OPRK1: variants seen among roughly 807,000 people sequenced by gnomAD.
OPRK1 encodes kappa-type opioid receptor.
In OPRK1, 15 loss-of-function variants were observed where a neutral mutation model predicts 24.5. The observed-to-expected ratio is 0.61, with a 90% CI of 0.41 to 0.94. The LOEUF (loss-of-function observed/expected upper bound fraction) is 0.94, where lower values mean the gene tolerates loss of function less well. Ranked by LOEUF, OPRK1 falls within the 40% of genes least tolerant of loss-of-function variation. The pLI, the probability that OPRK1 is intolerant of heterozygous loss-of-function variation, is 0.00. For missense variants in OPRK1, 479 were observed against 507.3 expected (o/e 0.94, Z 0.54); for synonymous variants, 205 against 198.0 (o/e 1.04, Z -0.30).
intron 2 of OPRK1, among the ~76,000 whole-genome samples, chr8:53,248,340 ACT>A (rs138440237): frequency 0.094 from 14,350 of 152,180 alleles, 746 homozygotes; most frequent in South Asian, 0.18. Flanking sequence ...ACCTGCCCAC[ACT>A]CTGAGCATCT....
chr8:53,247,119 A>C (rs779663250), intron 2 of OPRK1, among the ~76,000 whole-genome samples: 4 of 152,256 alleles, frequency 2.6e-5, no homozygotes, highest in Non-Finnish European at 5.9e-5. Flanking sequence ...AGAAGGCAGG[A>C]CACTTGGGTG....
chr8:53,238,755 G>A (rs1807052271), intron 2 of OPRK1: 2 of 977,460 alleles, frequency 2.0e-6, no homozygotes, highest in Non-Finnish European at 2.4e-6. Context: ...TCACCAGGCA[G>A]GGTTTCTGGG....
In OPRK1 at chr8:53,227,686, C is replaced by T. The variant is rs1314683039; in HGVS notation, c.*1611G>A. 6.6e-6 allele frequency: 1 copy of T among 151,964 alleles called. No individual in the cohort carries two copies. The highest frequency in any genetic ancestry group is 6.6e-5 in the Admixed American group (1 of 15,242). The allele number at this position is 151,964 out of a possible 1,614,324, so 9.4% of individuals were successfully genotyped here. On this transcript the variant is annotated 3_prime_UTR_variant, in exon 4 of 4. Coordinates refer to ENST00000265572, the MANE Select transcript of OPRK1 (RefSeq NM_000912.5). Reference sequence around the variant, plus strand: ...CATGATAATCTGGAGTAGAGGCAAACATGGTCAGAGTAACATTCTGAAGCC... The same window carrying T: ...CATGATAATCTGGAGTAGAGGCAAATATGGTCAGAGTAACATTCTGAAGCC...
intron 2 of OPRK1, among the ~76,000 whole-genome samples, chr8:53,248,642 C>T (rs1807294011): frequency 6.6e-6 from 1 of 152,164 alleles, no homozygotes. Flanking sequence ...ATCCTTGAAC[C>T]ATCTATCATT....
chr8:53,232,012 G>A (rs771129461), intron 3 of OPRK1, among the ~76,000 whole-genome samples: 1 of 152,206 alleles, frequency 6.6e-6, no homozygotes, highest in Non-Finnish European at 1.5e-5. Context: ...TCCCACTACA[G>A]AGTTGGAAAT....
chr8:53,245,924 G>C (rs540563653), intron 2 of OPRK1, among the ~76,000 whole-genome samples: 13 of 152,166 alleles, frequency 8.5e-5, no homozygotes, highest in Non-Finnish European at 1.6e-4. Context: ...ATTCTGCCTG[G>C]AGAGCAGCAG....
intron 2 of OPRK1, chr8:53,242,881 A>G: frequency 7.8e-7 from 1 of 1,287,532 alleles, no homozygotes; most frequent in Non-Finnish European, 1.0e-6. Context: ...AATTCATCAC[A>G]TGGTTTTGTC....
chr8:53,250,524 C>G, intron 2 of OPRK1, among the ~76,000 whole-genome samples: 1 of 152,146 alleles, frequency 6.6e-6, no homozygotes, highest in African/African-American at 2.4e-5. Context: ...AGGGTGGGGT[C>G]GGGGGGTTAC....
chr8:53,250,406 T>G (rs1217960975), intron 2 of OPRK1, among the ~76,000 whole-genome samples: 2 of 152,170 alleles, frequency 1.3e-5, no homozygotes, highest in Non-Finnish European at 2.9e-5. Flanking sequence ...TGCTCCAAAC[T>G]GGCGCAGGCA....
chr8:53,242,838 C>A, intron 2 of OPRK1: 2 of 1,266,696 alleles, frequency 1.6e-6, no homozygotes, highest in Non-Finnish European at 2.1e-6. Context: ...GGCTTCCCTG[C>A]CCGGCTTCAC....
In OPRK1 at chr8:53,226,066, T is replaced by A. The variant is rs1204129854; in HGVS notation, c.*3231A>T. Reference sequence around the variant, plus strand: ...AATTTGCATGAGTCATCGTATTTCATCCCAGGACTAGATGAAACACCTATA... The same window carrying A: ...AATTTGCATGAGTCATCGTATTTCAACCCAGGACTAGATGAAACACCTATA... On this transcript the variant is annotated 3_prime_UTR_variant, in exon 4 of 4. Coordinates refer to ENST00000265572, the MANE Select transcript of OPRK1 (RefSeq NM_000912.5). 6.6e-6 allele frequency: 1 copy of A among 152,184 alleles called. No homozygotes were observed. The highest frequency in any genetic ancestry group is 1.5e-5 in the Non-Finnish European group (1 of 68,046). The allele number at this position is 152,184 out of a possible 1,614,324, so 9.4% of individuals were successfully genotyped here.
chr8:53,228,663 A>G lies in OPRK1; in HGVS notation c.*634T>C, dbSNP rs1158571611. The G allele has an allele frequency of 6.6e-6, 1 of 152,264 alleles. No individual in the cohort carries two copies. The highest frequency in any genetic ancestry group is 2.4e-5 in the African/African-American group (1 of 41,458). 9.4% of individuals were successfully genotyped at this position (152,264 alleles called of 1,614,324 possible). A position where few individuals can be genotyped will look rare whatever the true frequency, so the allele number is the denominator to read the frequency against. ...TTTTTGGGAAATTAAACCATGTTAA[A>G]AACAATCTTTTGAACGTTTAAATAA... On this transcript the variant is annotated 3_prime_UTR_variant, in exon 4 of 4. Coordinates refer to ENST00000265572, the MANE Select transcript of OPRK1 (RefSeq NM_000912.5).
chr8:53,250,554 C>T (rs1302694145), intron 2 of OPRK1, among the ~76,000 whole-genome samples: 2 of 152,138 alleles, frequency 1.3e-5, no homozygotes, highest in Admixed American at 1.3e-4. Flanking sequence ...TTCCAGACGC[C>T]CCTGGCCGCT....
At chr8:53,242,939 G>A in intron 2 of OPRK1, 7 of 1,287,570 alleles carry the variant, frequency 5.4e-6, no homozygotes, top group South Asian at 2.5e-5. Flanking sequence ...GAAGGCAAGT[G>A]TTAAGCCATT....
chr8:53,250,942 G>T lies in OPRK1; in HGVS notation c.96C>A (p.Gly32=), dbSNP rs1487342303. ...TGCCGTTGCTGTCGGGCTCGGCCCAGCCGGGAAACCAGGCGCTGCTGTTGG... is the reference window on the plus strand; with the variant it reads ...TGCCGTTGCTGTCGGGCTCGGCCCATCCGGGAAACCAGGCGCTGCTGTTGG... ...LPPNSSAWFP[G]WAEPDSNGSA... The change falls in exon 2 of 4, where the codon GGC becomes GGA. Residue 32 remains glycine, a synonymous_variant. Transcript: ENST00000265572. 1.9e-6 allele frequency: 3 copies of T among 1,610,814 alleles called. No homozygotes were observed. Among genetic ancestry groups the T allele is most frequent in the Non-Finnish European group, 2.5e-6 (3 of 1,178,508 alleles).
chr8:53,235,047 C>T lies in OPRK1; in HGVS notation c.322G>A (p.Val108Ile). 1 of 1,614,220 alleles carries T rather than the reference C, an allele frequency of 6.2e-7. No individual in the cohort carries two copies. Among genetic ancestry groups the T allele is most frequent in the Non-Finnish European group, 8.5e-7 (1 of 1,180,042 alleles). Residue 108 changes from valine to isoleucine, a missense_variant, in exon 3 of 4, where the codon GTT becomes ATT. Transcript: ENST00000265572. Reference sequence around the variant, plus strand: ...CTCTGAAAGGGCATGGTTGTAGTAACTAAAGCATCTGCCAAAGCCAGGTTA... The same window carrying T: ...CTCTGAAAGGGCATGGTTGTAGTAATTAAAGCATCTGCCAAAGCCAGGTTA... The part of the protein sequence containing the change: ...IFNLALADAL[V>I]TTTMPFQSTV...
rs774453557 is a variant in OPRK1, at chr8:53,229,527, T to C, written c.913A>G (p.Ser305Gly). The C allele has an allele frequency of 1.2e-6, 2 of 1,614,204 alleles. No homozygotes were observed. Among genetic ancestry groups the C allele is most frequent in the East Asian group, 2.2e-5 (1 of 44,870 alleles). The change falls in exon 4 of 4, where the codon AGC becomes GGC. Residue 305 changes from serine (S) to glycine (G), a missense_variant. Ser to Gly is a moderately conservative substitution (Grantham distance 56). Transcript: ENST00000265572. ...TAATAGCTGGAGAGAGCAGCTGTGC[T>C]GTGGGAGGTGCTCCCCAGAGCCTCC... ...LVEALGSTSH[S>G]TAALSSYYFC...
rs201799906 is a variant in OPRK1 at position 53,228,063 on chromosome 8, C to T, written c.*1234G>A. 2.3e-3 allele frequency: 343 copies of T among 152,242 alleles called. 3 individuals are homozygous for T. Among genetic ancestry groups the T allele is most frequent in the African/African-American group, 7.9e-3 (329 of 41,528 alleles). The allele number at this position is 152,242 out of a possible 1,614,324, so 9.4% of individuals were successfully genotyped here. A position where few individuals can be genotyped will look rare whatever the true frequency, so the allele number is the denominator to read the frequency against. On this transcript the variant is annotated 3_prime_UTR_variant, in exon 4 of 4. Transcript: ENST00000265572. ...CCTGGCATTATCCTCAGCAGGTATGCCCTTCACAGAATGCCATGCAGGATG... is the reference window on the plus strand; with the variant it reads ...CCTGGCATTATCCTCAGCAGGTATGTCCTTCACAGAATGCCATGCAGGATG...
intron 2 of OPRK1, among the ~76,000 whole-genome samples, chr8:53,238,106 C>T (rs745750799): frequency 5.3e-5 from 8 of 152,184 alleles, no homozygotes; most frequent in Non-Finnish European, 1.0e-4. Flanking sequence ...AAGGCTGTGA[C>T]GCTCAGAGGC....
Sources: gnomAD v4.1 joint callset for allele counts (sites outside exome capture counted in the v4.1 genomes callset) on GRCh38, gnomAD v4.1.1 for gene constraint, MANE v1.5 for transcripts, NCBI Gene and HGNC (gene_info 2026-07-23, HGNC 2026-07-21) for gene names.